The following PKHD1 variants were observed in gnomAD, a reference collection of about 807,000 sequenced individuals.
PKHD1 encodes PKHD1 ciliary IPT domain containing fibrocystin/polyductin.
A neutral mutation model predicts 412.0 loss-of-function variants in PKHD1; 291 were observed. The observed-to-expected ratio is 0.71, with a 90% CI of 0.64 to 0.78. The LOEUF is 0.78. Ranked by LOEUF, PKHD1 falls within the 30% of genes least tolerant of loss-of-function variation. The probability of loss-of-function intolerance (pLI) is 0.00; values close to 1 mark genes in which losing one functional copy is unlikely to be tolerated. For synonymous variants in PKHD1, 1,777 were observed against 1,821.5 expected (o/e 0.98, Z 0.62); for missense variants, 4,825 against 4,950.7 (o/e 0.97, Z 0.76).
rs773410303 is a variant in PKHD1, at chr6:52,028,339, A to T, written c.3377T>A (p.Leu1126Gln). 2.5e-6 allele frequency: 4 copies of T among 1,613,546 alleles called. No individual in the cohort carries two copies. Among genetic ancestry groups the T allele is most frequent in the African/African-American group, 1.3e-5 (1 of 74,910 alleles). The change falls in exon 30 of 67, where the codon CTG becomes CAG. Residue 1126 changes from leucine to glutamine, a missense_variant. By Grantham distance (113) the Leu-to-Gln change is moderately radical (BLOSUM62 -2). Coordinates refer to ENST00000371117, the MANE Select transcript of PKHD1 (RefSeq NM_138694.4). ...CATCAGCCTCGCCACTCCAATGACC[A>T]GGGTCTCACCGCCTGTGTTGAGAAG... ...NISNIAGGET[L>Q]VIGVARLMNY...
intron 62 of PKHD1, among the ~76,000 whole-genome samples, chr6:51,648,463 C>T (rs754526424): frequency 3.3e-5 from 5 of 152,046 alleles, no homozygotes; most frequent in Non-Finnish European, 7.4e-5. Context: ...AGTGCCAGAC[C>T]ACATCAAAGT....
chr6:51,766,615 A>ATATTTTTATTTTTTTTT (rs562939539), intron 55 of PKHD1, among the ~76,000 whole-genome samples: 3 of 150,932 alleles, frequency 2.0e-5, no homozygotes, highest in African/African-American at 7.3e-5. Flanking sequence ...TGGTGTATTC[A>ATATTTTTATTTTTTTTT]TATTTTTATT....
chr6:51,901,538 G>A (rs1481288944), intron 43 of PKHD1, among the ~76,000 whole-genome samples: 3 of 152,130 alleles, frequency 2.0e-5, no homozygotes, highest in East Asian at 3.9e-4. Flanking sequence ...GGGGAGTGGG[G>A]AGGAATAGCA....
intron 60 of PKHD1, among the ~76,000 whole-genome samples, chr6:51,674,691 T>C (rs779070446): frequency 1.3e-4 from 20 of 152,196 alleles, no homozygotes; most frequent in Non-Finnish European, 2.5e-4. Flanking sequence ...GGTGATGATT[T>C]ATCCTGTGAG....
At position 52,056,938 on chromosome 6, in the gene PKHD1, C is replaced by T. The variant is rs1582002018; in HGVS notation, c.1554G>A (p.Trp518Ter). Residue 518 changes from tryptophan to a stop codon, truncating the protein, a stop_gained, in exon 17 of 67, where the codon TGG becomes TGA. Coordinates refer to ENST00000371117, the MANE Select transcript of PKHD1 (RefSeq NM_138694.4). LOFTEE classifies it high-confidence loss of function. ...GGATTGGCTGACTAGAGACATTGTC[C>T]CAAGTAAGGAAGAAGTTTCCTCTGC... Reference protein sequence around the residue: ...VSGRGNFFLTWDNVSSQPIPA... With the variant: ...VSGRGNFFLT 6.2e-7 allele frequency: 1 copy of T among 1,613,890 alleles called. No individual in the cohort carries two copies. The highest frequency in any genetic ancestry group is 8.5e-7 in the Non-Finnish European group (1 of 1,179,878).
At chr6:51,899,929 A>T (rs1780939687) in intron 43 of PKHD1, among the ~76,000 whole-genome samples, 1 of 152,142 alleles carries the variant, frequency 6.6e-6, no homozygotes, top group Non-Finnish European at 1.5e-5. Context: ...TGCTTCAAAG[A>T]GAATAAAATA....
chr6:51,722,659 A>T (rs778888375), intron 60 of PKHD1, among the ~76,000 whole-genome samples: 3 of 152,232 alleles, frequency 2.0e-5, no homozygotes, highest in Non-Finnish European at 4.4e-5. Context: ...ATATATAATC[A>T]ATATATATTG....
intron 35 of PKHD1, among the ~76,000 whole-genome samples, chr6:51,994,788 G>A (rs1797523760): frequency 6.6e-6 from 1 of 151,970 alleles, no homozygotes. Flanking sequence ...TCCCTATGTT[G>A]CCCAGGCTGG....
At position 51,687,530 on chromosome 6, in the gene PKHD1, A is replaced by T. The variant is rs1169508748; in HGVS notation, c.10157-27561T>A. On this transcript the variant is annotated intron_variant, in intron 60 of 66. Transcript: ENST00000371117. Reference sequence around the variant, plus strand: ...TCAGTGGCCAGCAGGGCCTGAAGCCATATGATAGCCACCATTGCACACATT... The same window carrying T: ...TCAGTGGCCAGCAGGGCCTGAAGCCTTATGATAGCCACCATTGCACACATT... Among the ~76,000 whole-genome samples the T allele has an allele frequency of 2.0e-5, 3 of 152,230 alleles. No homozygotes were observed. The South Asian group carries it at 6.2e-4, about 31-fold the overall frequency.
chr6:51,788,503 G>A (rs1166877697), intron 53 of PKHD1, among the ~76,000 whole-genome samples: 1 of 151,608 alleles, frequency 6.6e-6, no homozygotes, highest in African/African-American at 2.4e-5. Context: ...AGACAGGAGG[G>A]AAACAAAAGA....
chr6:52,060,001 T>A lies in PKHD1; in HGVS notation c.1160A>T (p.Asn387Ile). 3.1e-6 allele frequency: 5 copies of A among 1,611,778 alleles called. No homozygotes were observed. Among genetic ancestry groups the A allele is most frequent in the Non-Finnish European group, 4.2e-6 (5 of 1,177,876 alleles). ...SGFFVAPETN[N>I]YTFWIQADSQ... is the part of the protein sequence containing the mutation. ...ATCTGCCTGAATCCAGAAAGTGTAA[T>A]TATTTGTCTCTGGAGCCACAAAGAA... is the stretch of plus-strand genomic sequence containing the variant. The change falls in exon 15 of 67, where the codon AAT becomes ATT. Residue 387 changes from asparagine to isoleucine, a missense_variant. Coordinates refer to ENST00000371117, the MANE Select transcript of PKHD1 (RefSeq NM_138694.4).
chr6:51,849,512 C>T (rs1771807117), intron 49 of PKHD1, among the ~76,000 whole-genome samples: 1 of 152,212 alleles, frequency 6.6e-6, no homozygotes, highest in Non-Finnish European at 1.5e-5. Flanking sequence ...TTCCCACCAA[C>T]AGTGTAAAAG....
chr6:52,045,982 C>T lies in PKHD1; in HGVS notation c.2592+22G>A, dbSNP rs779155559. 5.7e-6 allele frequency: 9 copies of T among 1,567,970 alleles called. No individual in the cohort carries two copies. In the South Asian group the frequency reaches 8.9e-5, roughly 15 times the overall value. On this transcript the variant is annotated intron_variant, in intron 24 of 66. Transcript: ENST00000371117. ...TCTCCAGGGCAGCAAATCCATGCCA[C>T]TAGAAGGGATACTATACATACCCTG...
rs1330747634 is a variant in PKHD1, at chr6:51,990,377, A to G, written c.5751+19932T>C. ...TGTTGCCTCTCCCAACACTGATAAT[A>G]TCTGCTCCCCCAGTCCTTTTGCTTT... On this transcript the variant is annotated intron_variant, in intron 35 of 66. Coordinates refer to ENST00000371117, the MANE Select transcript of PKHD1 (RefSeq NM_138694.4). 5.3e-5 allele frequency among the ~76,000 whole-genome samples: 8 copies of G among 152,212 alleles called. No homozygotes were observed. The South Asian group carries it at 8.3e-4, about 16-fold the overall frequency.
rs565915238 is a variant in PKHD1 at position 51,647,228 on chromosome 6, A to G, written c.11398+803T>C. On this transcript the variant is annotated intron_variant, in intron 63 of 66. Coordinates refer to ENST00000371117, the MANE Select transcript of PKHD1 (RefSeq NM_138694.4). ...ATGTGTCTCTTTTGTCTCTTTGAGTAGGTTGTATTTCAACGGTTTTGTGTG... is the reference window on the plus strand; with the variant it reads ...ATGTGTCTCTTTTGTCTCTTTGAGTGGGTTGTATTTCAACGGTTTTGTGTG... Among the ~76,000 whole-genome samples, 6 of 152,290 alleles carry G rather than the reference A, an allele frequency of 3.9e-5. No homozygotes were observed. The East Asian group carries it at 1.2e-3, about 29-fold the overall frequency.
intron 60 of PKHD1, among the ~76,000 whole-genome samples, chr6:51,692,376 C>A (rs1283220208): frequency 6.6e-6 from 1 of 151,924 alleles, no homozygotes; most frequent in African/African-American, 2.4e-5. Flanking sequence ...ACTCATCTTC[C>A]ATTCATCTCT....
At chr6:51,775,757 A>G (rs1790912851) in intron 54 of PKHD1, 51 bp downstream of exon 54, 1 of 877,436 alleles carries the variant, frequency 1.1e-6, no homozygotes, top group South Asian at 1.3e-5. Context: ...ACAAGCACAC[A>G]ATACACACAC....
chr6:51,646,748 G>A (rs1026294248), intron 63 of PKHD1, among the ~76,000 whole-genome samples: 3 of 152,100 alleles, frequency 2.0e-5, no homozygotes, highest in Admixed American at 2.0e-4. Context: ...TTTACTCCTA[G>A]TAGATTCTGC....
At chr6:51,960,487 C>G (rs1358808) in intron 35 of PKHD1, among the ~76,000 whole-genome samples, 53,844 of 151,930 alleles carry the variant, frequency 0.35, 10,625 homozygotes, top group East Asian at 0.76. Flanking sequence ...AAATGTTCTG[C>G]TTGATGGGTG....
Sources: allele counts gnomAD v4.1 joint callset (sites outside exome capture counted in the v4.1 genomes callset), GRCh38; gene constraint gnomAD v4.1.1; transcripts MANE v1.5; gene names NCBI Gene and HGNC (gene_info 2026-07-23, HGNC 2026-07-21).